The following TSPAN18 variants were observed in gnomAD, a reference collection of about 807,000 sequenced individuals.
TSPAN18 encodes the protein tetraspanin 18.
Under a neutral mutation model 27.3 loss-of-function variants are expected in TSPAN18, and 14 were observed. The ratio of observed to expected loss-of-function variants is 0.51; its 90% CI spans 0.34 to 0.80. The LOEUF (loss-of-function observed/expected upper bound fraction) is 0.80, where lower values mean the gene tolerates loss of function less well. Ranked by LOEUF, TSPAN18 falls within the 30% of genes least tolerant of loss-of-function variation. The pLI is 0.01. For synonymous variants in TSPAN18, 143 were observed against 136.5 expected, an observed-to-expected ratio of 1.05 and a Z score of -0.33; for missense variants, 268 against 323.9, an observed-to-expected ratio of 0.83 and a Z score of 1.32.
At chr11:44,885,033 C>T (rs913513922) in intron 3 of TSPAN18, among the ~76,000 whole-genome samples, 2 of 152,214 alleles carry the variant, frequency 1.3e-5, no homozygotes, top group Non-Finnish European at 2.9e-5. Context: ...CAGTTGTCCA[C>T]GTGCTCTCTA....
At chr11:44,917,908 G>T in intron 5 of TSPAN18, 64 bp from the exon 6 acceptor site, 1 of 1,496,098 alleles carries the variant, frequency 6.7e-7, no homozygotes, top group South Asian at 1.1e-5. Flanking sequence ...CGGATGCATT[G>T]GCCAGTGGCC....
chr11:44,730,727 G>T (rs925647842), intron 1 of TSPAN18, among the ~76,000 whole-genome samples: 3 of 151,756 alleles, frequency 2.0e-5, no homozygotes, highest in Non-Finnish European at 2.9e-5. Flanking sequence ...GAGTTCAAGC[G>T]ATTCTCCTGC....
intron 2 of TSPAN18, among the ~76,000 whole-genome samples, chr11:44,850,818 T>A (rs988078503): frequency 6.6e-5 from 10 of 152,076 alleles, no homozygotes; most frequent in Non-Finnish European, 1.5e-4. Flanking sequence ...GCTGGCCTTA[T>A]CCCAGGTACA....
At chr11:44,755,872 C>T (rs1039011491) in intron 1 of TSPAN18, among the ~76,000 whole-genome samples, 3 of 151,912 alleles carry the variant, frequency 2.0e-5, no homozygotes, top group African/African-American at 7.3e-5. Flanking sequence ...GCTATTTCTC[C>T]TAGGAGCCAG....
intron 2 of TSPAN18, among the ~76,000 whole-genome samples, chr11:44,857,541 T>C (rs1298886248): frequency 1.3e-5 from 2 of 151,842 alleles, no homozygotes; most frequent in Admixed American, 6.6e-5. Context: ...AGCTAGAGAG[T>C]GAAGGAGACA....
intron 3 of TSPAN18, among the ~76,000 whole-genome samples, chr11:44,893,730 G>A (rs1050541561): frequency 6.6e-5 from 10 of 152,188 alleles, no homozygotes; most frequent in Non-Finnish European, 1.3e-4. Flanking sequence ...TGATAATATC[G>A]TCTACTTTGT....
chr11:44,790,164 T>TGCATGTGTGTGTGCGC (rs1565150194), intron 2 of TSPAN18, among the ~76,000 whole-genome samples: 1 of 150,526 alleles, frequency 6.6e-6, no homozygotes. Context: ...TGTGTGTGTG[T>TGCATGTGTGTGTGCGC]GCATGTGTGT....
intron 2 of TSPAN18, among the ~76,000 whole-genome samples, chr11:44,851,890 G>A (rs1857615517): frequency 6.6e-6 from 1 of 152,142 alleles, no homozygotes; most frequent in East Asian, 1.9e-4. Flanking sequence ...TCCAGACCCT[G>A]GGAATACAAC....
chr11:44,909,395 G>T, intron 4 of TSPAN18: 1 of 316,804 alleles, frequency 3.2e-6, no homozygotes, highest in Non-Finnish European at 5.8e-6. Flanking sequence ...AATCCTACAG[G>T]TCTGACATTT....
intron 2 of TSPAN18, among the ~76,000 whole-genome samples, chr11:44,780,364 G>A (rs1366868593): frequency 2.6e-5 from 4 of 152,200 alleles, no homozygotes; most frequent in Non-Finnish European, 5.9e-5. Flanking sequence ...AGGGAGGATG[G>A]GAAGGTTGAG....
intron 2 of TSPAN18, among the ~76,000 whole-genome samples, chr11:44,790,185 A>ATG (rs1475026984): frequency 3.1e-5 from 3 of 97,212 alleles, no homozygotes; most frequent in Admixed American, 1.0e-4. Context: ...GTGTGCGCAT[A>ATG]TGTGTGTGTG....
chr11:44,920,170 T>C (rs1860073503), intron 8 of TSPAN18, among the ~76,000 whole-genome samples, 171 bp downstream of exon 8: 1 of 152,144 alleles, frequency 6.6e-6, no homozygotes, highest in Non-Finnish European at 1.5e-5. Context: ...ATGGAGGCTC[T>C]CTGTCCAAGC....
At chr11:44,899,650 G>A (rs572595005) in intron 3 of TSPAN18, among the ~76,000 whole-genome samples, 1 of 152,204 alleles carries the variant, frequency 6.6e-6, no homozygotes, top group East Asian at 1.9e-4. Flanking sequence ...ATGAGGGACT[G>A]TACCTCTATG....
At position 44,902,783 on chromosome 11, in the gene TSPAN18, G is replaced by C. The variant is rs80138040; in HGVS notation, c.-10-3624G>C. ...CCTGAGGAGAGAAGGGTGAGCAAGCGGGGCATTAGGGGGGCCTGTCCTGGG... is the reference window on the plus strand; with the variant it reads ...CCTGAGGAGAGAAGGGTGAGCAAGCCGGGCATTAGGGGGGCCTGTCCTGGG... On this transcript the variant is annotated intron_variant, in intron 3 of 9. Coordinates refer to ENST00000520358, the MANE Select transcript of TSPAN18 (RefSeq NM_130783.5). Among the ~76,000 whole-genome samples, 682 of 152,314 alleles carry C rather than the reference G, an allele frequency of 4.5e-3. 6 individuals carry two copies. The highest frequency in any genetic ancestry group is 0.015 in the African/African-American group (642 of 41,582).
At chr11:44,751,746 G>A (rs1855215119) in intron 1 of TSPAN18, among the ~76,000 whole-genome samples, 1 of 152,000 alleles carries the variant, frequency 6.6e-6, no homozygotes, top group African/African-American at 2.4e-5. Context: ...GGCCAACGTG[G>A]TAAAGCCCCA....
intron 2 of TSPAN18, among the ~76,000 whole-genome samples, chr11:44,781,248 C>T (rs541876704): frequency 6.6e-6 from 1 of 152,330 alleles, no homozygotes; most frequent in East Asian, 1.9e-4. Flanking sequence ...TGGGTGGCTG[C>T]CTGCCATCAC....
intron 1 of TSPAN18, among the ~76,000 whole-genome samples, chr11:44,738,038 T>A (rs1163797247): frequency 6.6e-6 from 1 of 152,174 alleles, no homozygotes; most frequent in Non-Finnish European, 1.5e-5. Flanking sequence ...AATTTTTTTT[T>A]TTAACATTTA....
At chr11:44,915,575 G>A (rs1315067437) in intron 5 of TSPAN18, among the ~76,000 whole-genome samples, 27 of 152,166 alleles carry the variant, frequency 1.8e-4, no homozygotes, top group Non-Finnish European at 1.5e-5. Flanking sequence ...TCATCCAGAT[G>A]TGCCAGCAGG....
At chr11:44,811,658 C>T (rs1856720005) in intron 2 of TSPAN18, among the ~76,000 whole-genome samples, 1 of 152,064 alleles carries the variant, frequency 6.6e-6, no homozygotes, top group African/African-American at 2.4e-5. Context: ...GATAGGGTTT[C>T]ACCATGTTGG....
Sources: gnomAD v4.1 joint callset for allele counts (sites outside exome capture counted in the v4.1 genomes callset) on GRCh38, gnomAD v4.1.1 for gene constraint, MANE v1.5 for transcripts, NCBI Gene and HGNC (gene_info 2026-07-23, HGNC 2026-07-21) for gene names.